The following SURF2 variants were observed in gnomAD, a reference collection of about 807,000 sequenced individuals.
SURF2 encodes the protein surfeit locus protein 2.
A neutral mutation model predicts 26.2 loss-of-function variants in SURF2; 32 were observed. That is an observed-to-expected ratio of 1.22 (90% confidence interval 0.92 to 1.64). SURF2 has a LOEUF of 1.64. Among genes scored for constraint, SURF2 ranks in the 40% most tolerant of loss-of-function variants. The pLI is 0.00. For missense variants in SURF2, 415 were observed against 341.6 expected (o/e 1.21, Z -1.69); for synonymous variants, 173 against 139.1 (o/e 1.24, Z -1.71).
chr9:133,359,140 T>C (rs1431759655), intron 3 of SURF2, among the ~76,000 whole-genome samples: 2 of 152,082 alleles, frequency 1.3e-5, no homozygotes, highest in Non-Finnish European at 2.9e-5. Flanking sequence ...ACTGTGGAGC[T>C]GAGATGGGAC....
rs2130049344 is a variant in SURF2 at position 133,360,249 on chromosome 9, CCT to C, written c.518-15_518-14del. ...AGCCTAAAATAACTGTCAGCCAATCCCTGTGTTCCTCCCAGCTGAGCTATTCA... is the reference window on the plus strand; with the variant it reads ...AGCCTAAAATAACTGTCAGCCAATCCGTGTTCCTCCCAGCTGAGCTATTCA... On this transcript the variant is annotated splice_polypyrimidine_tract_variant and intron_variant, in intron 4 of 5. Coordinates refer to ENST00000371964, the MANE Select transcript of SURF2 (RefSeq NM_017503.5). 1.2e-4 allele frequency: 188 copies of C among 1,612,044 alleles called. No homozygotes were observed. The highest frequency in any genetic ancestry group is 1.5e-4 in the Non-Finnish European group (176 of 1,178,964).
At position 133,357,007 on chromosome 9, in the gene SURF2, G is replaced by C. The variant is rs1378316612; in HGVS notation, c.172G>C (p.Ala58Pro). The C allele has an allele frequency of 6.4e-7, 1 of 1,568,512 alleles. No individual in the cohort carries two copies. The highest frequency in any genetic ancestry group is 1.2e-5 in the South Asian group (1 of 85,436). Residue 58 changes from alanine to proline, a missense_variant, in exon 2 of 6, where the codon GCC becomes CCC. Physicochemically the swap from Ala to Pro is conservative, Grantham distance 27. Coordinates refer to ENST00000371964, the MANE Select transcript of SURF2 (RefSeq NM_017503.5). ...RGKKYQRLVR[A>P]SPAFDYAEFE... ...CAAAAAGTACCAGCGGCTGGTCCGCGCCTCCCCGGCCTTCGACTATGCAGA... is the reference window on the plus strand; with the variant it reads ...CAAAAAGTACCAGCGGCTGGTCCGCCCCTCCCCGGCCTTCGACTATGCAGA...
Position 133,356,583 on chromosome 9 carries a change from C to A in SURF2, c.-10C>A, listed in dbSNP as rs2130028241. 7 of 1,517,326 alleles carry A rather than the reference C, an allele frequency of 4.6e-6. No individual in the cohort carries two copies. In the East Asian group the frequency reaches 7.9e-5, roughly 17 times the overall value. 94.0% of individuals were successfully genotyped at this position (1,517,326 alleles called of 1,614,324 possible). On this transcript the variant is annotated 5_prime_UTR_variant, in exon 1 of 6. Transcript: ENST00000371964. ...GGCTTCCGCCGGGCTGCTCCGCGGG[C>A]GCGTCGGCCATGAGCGAGTTGCCGG...
In SURF2 at chr9:133,360,023, C is replaced by A. The variant is rs2130046402; in HGVS notation, c.411C>A (p.Asp137Glu). The change falls in exon 4 of 6, where the codon GAC becomes GAA. Residue 137 changes from aspartate (D) to glutamate (E), a missense_variant. Transcript: ENST00000371964. ...CLVHRRRRRE[D>E]QMDGDGPRPR... Reference sequence around the variant, plus strand: ...TGCACCGGAGGAGGAGGAGGGAGGACCAGATGGACGGTGACGGGCCTCGCC... The same window carrying A: ...TGCACCGGAGGAGGAGGAGGGAGGAACAGATGGACGGTGACGGGCCTCGCC... The A allele has an allele frequency of 1.2e-6, 2 of 1,614,026 alleles. No homozygotes were observed. Among genetic ancestry groups the A allele is most frequent in the Non-Finnish European group, 1.7e-6 (2 of 1,179,966 alleles).
chr9:133,357,345 C>T (rs2130033806), intron 2 of SURF2: 44 of 520,420 alleles, frequency 8.5e-5, no homozygotes, highest in Non-Finnish European at 1.4e-4. Context: ...GGGTTCTTCC[C>T]TTAACCCCAG....
At chr9:133,357,585 G>T in intron 2 of SURF2, 126 bp from the exon 3 acceptor site, 1 of 826,864 alleles carries the variant, frequency 1.2e-6, no homozygotes, top group South Asian at 1.7e-5. Flanking sequence ...AATTGCTCCG[G>T]GAGCCTTTAA....
At chr9:133,358,067 G>A (rs2130038225) in intron 3 of SURF2, among the ~76,000 whole-genome samples, 1 of 152,304 alleles carries the variant, frequency 6.6e-6, no homozygotes, top group East Asian at 1.9e-4. Context: ...AAGAAACTGG[G>A]CGAGGGATGT....
At position 133,357,768 on chromosome 9, in the gene SURF2, G is replaced by T. The variant is rs2130036335; in HGVS notation, c.291G>T (p.Val97=). The T allele has an allele frequency of 6.2e-7, 1 of 1,613,786 alleles. No individual in the cohort carries two copies. Among genetic ancestry groups the T allele is most frequent in the Non-Finnish European group, 8.5e-7 (1 of 1,180,032 alleles). Residue 97 remains valine (V), a synonymous_variant, in exon 3 of 6, where the codon GTG becomes GTT. Coordinates refer to ENST00000371964, the MANE Select transcript of SURF2 (RefSeq NM_017503.5). Reference sequence around the variant, plus strand: ...ACATCAACAAGTGCCCAGAACACGTGCTGAGGCACACCCAGGGCCGGCGGT... The same window carrying T: ...ACATCAACAAGTGCCCAGAACACGTTCTGAGGCACACCCAGGGCCGGCGGT... ...LRHINKCPEH[V]LRHTQGRRYQ...
chr9:133,357,281 C>T (rs1280249216), intron 2 of SURF2: 2 of 558,562 alleles, frequency 3.6e-6, no homozygotes, highest in African/African-American at 1.9e-5. Context: ...GGTGTGGCTG[C>T]TTCCCAGATG....
chr9:133,360,894 G>A (rs2130055147), intron 5 of SURF2, among the ~76,000 whole-genome samples, 162 bp from the exon 6 acceptor site: 23 of 152,228 alleles, frequency 1.5e-4, no homozygotes, highest in Non-Finnish European at 3.2e-4. Context: ...GCTGAGCGGG[G>A]TCTAATCCTG....
At chr9:133,360,570 G>A (rs931887322) in intron 5 of SURF2, 136 bp downstream of exon 5, 11 of 1,167,678 alleles carry the variant, frequency 9.4e-6, no homozygotes, top group East Asian at 2.6e-5. Context: ...CATAGAAGCC[G>A]AGGCCGCTGG....
chr9:133,360,467 T>A (rs1339310038), intron 5 of SURF2, 33 bp downstream of exon 5: 3 of 1,554,582 alleles, frequency 1.9e-6, no homozygotes, highest in African/African-American at 1.4e-5. Flanking sequence ...AGTGTGGCAG[T>A]GGCTTCCCCT....
In SURF2 at chr9:133,360,012, AG is replaced by A; in HGVS notation, c.402del (p.Arg135GlyfsTer33). On this transcript the variant is annotated frameshift_variant, in exon 4 of 6. Coordinates refer to ENST00000371964, the MANE Select transcript of SURF2 (RefSeq NM_017503.5). LOFTEE classifies it high-confidence loss of function. ...TGCCTGCCTGGTGCACCGGAGGAGG[AG>A]GAGGGAGGACCAGATGGACGGTGAC... ...VPACLVHRRR[R>X]REDQMDGDGP... is the part of the protein sequence containing the mutation. 6.2e-7 allele frequency: 1 copy of A among 1,613,986 alleles called. No homozygotes were observed. Among genetic ancestry groups the A allele is most frequent in the South Asian group, 1.1e-5 (1 of 91,070 alleles).
chr9:133,359,437 T>G (rs1402056330), intron 3 of SURF2, among the ~76,000 whole-genome samples: 1 of 152,088 alleles, frequency 6.6e-6, no homozygotes, highest in East Asian at 1.9e-4. Context: ...GTGACTCCAG[T>G]GAGGTCTTTC....
At chr9:133,359,827 G>A (rs887159366) in intron 3 of SURF2, 123 bp from the exon 4 acceptor site, 1 of 1,194,302 alleles carries the variant, frequency 8.4e-7, no homozygotes, top group Non-Finnish European at 1.1e-6. Flanking sequence ...CAGCTGCTCT[G>A]GTTTTTGTCC....
chr9:133,357,134 C>T (rs2130033073), intron 2 of SURF2, 66 bp downstream of exon 2: 2 of 1,432,704 alleles, frequency 1.4e-6, no homozygotes, highest in Non-Finnish European at 1.8e-6. Flanking sequence ...CTGGACTCCG[C>T]CAGTGCTGCA....
chr9:133,357,314 C>T (rs958548613), intron 2 of SURF2: 5 of 519,484 alleles, frequency 9.6e-6, no homozygotes, highest in Non-Finnish European at 1.7e-5. Context: ...TGATTTGTCA[C>T]CTGAGGTTGT....
intron 5 of SURF2, 112 bp downstream of exon 5, chr9:133,360,546 C>A (rs1836740724): frequency 2.3e-6 from 3 of 1,310,330 alleles, no homozygotes; most frequent in East Asian, 5.1e-5. Flanking sequence ...CCCAAGCCAA[C>A]AACACACAAG....
chr9:133,360,942 G>C, intron 5 of SURF2, 114 bp from the exon 6 acceptor site: 1 of 1,067,606 alleles, frequency 9.4e-7, no homozygotes, highest in Middle Eastern at 2.1e-4. Context: ...AAGCCTCTGT[G>C]GGTATTTGAC....
Sources: gnomAD v4.1 joint callset for allele counts (sites outside exome capture counted in the v4.1 genomes callset) on GRCh38, gnomAD v4.1.1 for gene constraint, MANE v1.5 for transcripts, NCBI Gene and HGNC (gene_info 2026-07-23, HGNC 2026-07-21) for gene names.